The following ETV1 variants were observed in gnomAD, a reference collection of about 807,000 sequenced individuals.
ETV1 encodes the protein ETS variant transcription factor 1.
Under a neutral mutation model 62.3 loss-of-function variants are expected in ETV1, and 27 were observed. The ratio of observed to expected loss-of-function variants is 0.43; its 90% CI spans 0.32 to 0.60. The LOEUF is 0.60. Among genes scored for constraint, ETV1 ranks in the 20% least tolerant of loss-of-function variants. The pLI, the probability that ETV1 is intolerant of heterozygous loss-of-function variation, is 0.06. For synonymous variants in ETV1, 222 were observed against 199.6 expected (o/e 1.11, Z -0.94); for missense variants, 605 against 605.8 (o/e 1.00, Z 0.01).
chr7:13,963,746 A>G (rs1208881369), intron 6 of ETV1, among the ~76,000 whole-genome samples: 1 of 152,176 alleles, frequency 6.6e-6, no homozygotes, highest in Non-Finnish European at 1.5e-5. Flanking sequence ...AGACCTATAA[A>G]TAAGAGGATA....
At chr7:13,917,340 G>A (rs62454575) in intron 9 of ETV1, among the ~76,000 whole-genome samples, 50,860 of 148,278 alleles carry the variant, frequency 0.34, 8,928 homozygotes, top group Non-Finnish European at 0.39. Flanking sequence ...ATTTTGAGAC[G>A]GAGTTTCGCT....
In ETV1 at chr7:13,894,203, C is replaced by A. The variant is rs1463814184; in HGVS notation, c.*1663G>T. On this transcript the variant is annotated 3_prime_UTR_variant, in exon 14 of 14. Coordinates refer to ENST00000430479, the MANE Select transcript of ETV1 (RefSeq NM_004956.5). ...CTATAGACTCTTTAAAAAAGTTGTT[C>A]TTCTGGATATTATTGATAGATGGAA... 1.5e-5 allele frequency: 3 copies of A among 200,540 alleles called. No individual in the cohort carries two copies. The highest frequency in any genetic ancestry group is 5.6e-5 in the African/African-American group (2 of 35,436). The allele number at this position is 200,540 out of a possible 1,614,324, so 12.4% of individuals were successfully genotyped here. A position where few individuals can be genotyped will look rare whatever the true frequency, so the allele number is the denominator to read the frequency against.
intron 7 of ETV1, 29 bp downstream of exon 7, chr7:13,939,088 T>C: frequency 1.2e-6 from 2 of 1,600,470 alleles, no homozygotes; most frequent in Non-Finnish European, 1.7e-6. Flanking sequence ...AGAACCACTA[T>C]CCTACATACA....
chr7:13,987,204 G>A (rs3823707), intron 4 of ETV1, among the ~76,000 whole-genome samples: 4 of 151,744 alleles, frequency 2.6e-5, no homozygotes, highest in Non-Finnish European at 4.4e-5. Flanking sequence ...TCAAATACAA[G>A]TTTTTAGAGG....
chr7:13,930,033 G>A (rs1433198320), intron 9 of ETV1, among the ~76,000 whole-genome samples: 1 of 152,106 alleles, frequency 6.6e-6, no homozygotes, highest in African/African-American at 2.4e-5. Context: ...CATAAAGAAT[G>A]CCCAAACTTT....
Position 13,931,672 on chromosome 7 carries a change from T to C in ETV1, c.632A>G (p.Tyr211Cys), listed in dbSNP as rs563398201. ...PTMPREGRPM[Y>C]QRQMSEPNIP... Reference sequence around the variant, plus strand: ...GTTTGGCTCAGACATCTGGCGTTGGTACATAGGACGTCCTTCCCTTGGCAT... The same window carrying C: ...GTTTGGCTCAGACATCTGGCGTTGGCACATAGGACGTCCTTCCCTTGGCAT... The change falls in exon 9 of 14, where the codon TAC (tyrosine) becomes TGC (cysteine). Residue 211 changes from tyrosine (Y) to cysteine (C), a missense_variant. Physicochemically the swap from Tyr to Cys is radical, Grantham distance 194 (BLOSUM62 -2). Transcript: ENST00000430479. The C allele has an allele frequency of 1.2e-6, 2 of 1,613,966 alleles. No individual in the cohort carries two copies. The highest frequency in any genetic ancestry group is 1.3e-5 in the African/African-American group (1 of 75,052).
intron 12 of ETV1, among the ~76,000 whole-genome samples, chr7:13,903,928 T>C (rs1468976688): frequency 6.6e-6 from 1 of 152,156 alleles, no homozygotes; most frequent in Non-Finnish European, 1.5e-5. Context: ...TCTGTGCAGG[T>C]CTGGAGTCTC....
chr7:13,982,603 G>A (rs1029895127), intron 5 of ETV1, among the ~76,000 whole-genome samples: 1 of 151,936 alleles, frequency 6.6e-6, no homozygotes, highest in Non-Finnish European at 1.5e-5. Context: ...ATCAAAAAGA[G>A]GGGTGATAGC....
intron 9 of ETV1, among the ~76,000 whole-genome samples, chr7:13,923,556 T>C (rs1057374231): frequency 6.6e-6 from 1 of 152,186 alleles, no homozygotes; most frequent in African/African-American, 2.4e-5. Context: ...AGGTAAATAT[T>C]TTTTCAGTAT....
At chr7:13,929,735 T>C (rs151076136) in intron 9 of ETV1, among the ~76,000 whole-genome samples, 120 of 152,264 alleles carry the variant, frequency 7.9e-4, no homozygotes, top group Middle Eastern at 3.4e-3. Context: ...TCAAGGCCAC[T>C]TGGGCAGAGA....
intron 6 of ETV1, among the ~76,000 whole-genome samples, chr7:13,950,807 G>T (rs141208152): frequency 6.6e-6 from 1 of 151,944 alleles, no homozygotes; most frequent in Non-Finnish European, 1.5e-5. Flanking sequence ...CTTTGTTTCA[G>T]AGTGGTTGCA....
intron 11 of ETV1, among the ~76,000 whole-genome samples, chr7:13,908,783 AAAACTT>A (rs1473659804): frequency 6.6e-6 from 1 of 152,162 alleles, no homozygotes; most frequent in African/African-American, 2.4e-5. Context: ...ATGACAATTT[AAAACTT>A]CAGAGAGCAC....
In ETV1 at chr7:13,892,733, C is replaced by A; in HGVS notation, c.*3133G>T. 4.3e-6 allele frequency: 1 copy of A among 232,106 alleles called. No individual in the cohort carries two copies. Among genetic ancestry groups the A allele is most frequent in the East Asian group, 6.1e-5 (1 of 16,424 alleles). 14.4% of individuals were successfully genotyped at this position (232,106 alleles called of 1,614,324 possible). A position where few individuals can be genotyped will look rare whatever the true frequency, so the allele number is the denominator to read the frequency against. On this transcript the variant is annotated 3_prime_UTR_variant, in exon 14 of 14. Coordinates refer to ENST00000430479, the MANE Select transcript of ETV1 (RefSeq NM_004956.5). The stretch of plus-strand genomic sequence containing the variant: ...TATAAGAGGCAGGAAGGAAATTTGA[C>A]TATAGTAGAAGAGTATGTGACCATG...
intron 7 of ETV1, among the ~76,000 whole-genome samples, chr7:13,937,150 C>T (rs1400673151): frequency 2.6e-5 from 4 of 152,040 alleles, no homozygotes; most frequent in Non-Finnish European, 5.9e-5. Flanking sequence ...TTCTGTTGCT[C>T]CATCAATGCA....
chr7:13,975,328 C>T lies in ETV1; in HGVS notation c.235+2099G>A, dbSNP rs569572550. Among the ~76,000 whole-genome samples the T allele has an allele frequency of 1.5e-3, 226 of 151,952 alleles. 1 individual carries two copies. The highest frequency in any genetic ancestry group is 5.1e-3 in the African/African-American group (212 of 41,466). On this transcript the variant is annotated intron_variant, in intron 6 of 13. Transcript: ENST00000430479. Reference sequence around the variant, plus strand: ...TTGGGAGGCCAAGGCGGGCGGATCACGAGGTCAGGAGATCGAGACCATCCT... The same window carrying T: ...TTGGGAGGCCAAGGCGGGCGGATCATGAGGTCAGGAGATCGAGACCATCCT...
intron 6 of ETV1, among the ~76,000 whole-genome samples, chr7:13,953,607 C>T (rs1268285570): frequency 6.6e-6 from 1 of 151,524 alleles, no homozygotes; most frequent in Non-Finnish European, 1.5e-5. Context: ...TGTGCAGACA[C>T]CAGAGGTGCT....
chr7:13,935,664 G>A (rs575504515), intron 8 of ETV1, 44 bp downstream of exon 8: 1 of 1,546,862 alleles, frequency 6.5e-7, no homozygotes, highest in African/African-American at 1.4e-5. Flanking sequence ...TTTTTTCCAA[G>A]AACGCAAAAA....
chr7:13,898,963 T>TAA lies in ETV1; in HGVS notation c.1212+1773_1212+1774dup, dbSNP rs375843585. ...ACTTTACATTGTGCCAGTTACAATGTAAAGTATCTCAAGTACATTATTTCA... is the reference window on the plus strand; with the variant it reads ...ACTTTACATTGTGCCAGTTACAATGTAAAAAGTATCTCAAGTACATTATTTCA... On this transcript the variant is annotated intron_variant, in intron 13 of 13. Coordinates refer to ENST00000430479, the MANE Select transcript of ETV1 (RefSeq NM_004956.5). Among the ~76,000 whole-genome samples, 10 of 152,320 alleles carry TAA rather than the reference T, an allele frequency of 6.6e-5. 1 individual carries two copies. The highest frequency in any genetic ancestry group is 2.4e-4 in the African/African-American group (10 of 41,568).
intron 6 of ETV1, among the ~76,000 whole-genome samples, chr7:13,950,555 G>A (rs932220026): frequency 2.6e-5 from 4 of 152,092 alleles, no homozygotes; most frequent in Non-Finnish European, 4.4e-5. Context: ...GGTGGCCTTC[G>A]GATGAATGCT....
Sources: allele counts gnomAD v4.1 joint callset (sites outside exome capture counted in the v4.1 genomes callset), GRCh38; gene constraint gnomAD v4.1.1; transcripts MANE v1.5; gene names NCBI Gene and HGNC (gene_info 2026-07-23, HGNC 2026-07-21).